The following ZNF418 variants were observed in gnomAD, a reference collection of about 807,000 sequenced individuals.
The protein encoded by ZNF418 is zinc finger protein 418.
ZNF418 carries 32 observed loss-of-function variants against 32.0 expected under a neutral mutation model. That is an observed-to-expected ratio of 1.00 (90% CI 0.75 to 1.34). The LOEUF is 1.34. ZNF418 is among the 40% of genes most tolerant of loss of function. The pLI is 0.00. For missense variants in ZNF418, 804 were observed against 812.5 expected (o/e 0.99, Z 0.13); for synonymous variants, 276 against 270.7 (o/e 1.02, Z -0.19).
At position 57,926,688 on chromosome 19, in the gene ZNF418, C is replaced by G; in HGVS notation, c.1493G>C (p.Arg498Pro). The change falls in exon 4 of 6, where the codon CGT (arginine) becomes CCT (proline). Residue 498 changes from arginine (R) to proline (P), a missense_variant. Arg to Pro is a moderately radical substitution (Grantham distance 103). Transcript: ENST00000396147. ...TCCAGTGTGAACTCTCTGATGAACA[C>G]GAAACCCAGAGCTGTCTTGAAATGA... ...GKSFQDSSGF[R>P]VHQRVHTGEK... 6.2e-7 allele frequency: 1 copy of G among 1,613,602 alleles called. No individual in the cohort carries two copies.
chr19:57,927,810 T>A lies in ZNF418; in HGVS notation c.371A>T (p.Asn124Ile). The change falls in exon 4 of 6, where the codon AAC becomes ATC. Residue 124 changes from asparagine (N) to isoleucine (I), a missense_variant. By Grantham distance (149) the Asn-to-Ile change is moderately radical. This residue lies in a region of ZNF418 where 307 missense variants were observed against 304.9 expected (regional missense o/e 1.01). Transcript: ENST00000396147. ...AWGNKLYDSSNRPHQNQYLGE... is the reference protein window; with the variant it reads ...AWGNKLYDSSIRPHQNQYLGE... ...AAGGTACTGATTCTGGTGCGGACGGTTTGAACTATCATACAATTTATTCCC... is the reference window on the plus strand; with the variant it reads ...AAGGTACTGATTCTGGTGCGGACGGATTGAACTATCATACAATTTATTCCC... 1 of 1,614,200 alleles carries A rather than the reference T, an allele frequency of 6.2e-7. No individual in the cohort carries two copies. The highest frequency in any genetic ancestry group is 8.5e-7 in the Non-Finnish European group (1 of 1,180,038).
In ZNF418 at chr19:57,926,719, C is replaced by T. The variant is rs374204768; in HGVS notation, c.1462G>A (p.Gly488Arg). ...CCAGAGCTGTCTTGAAATGATTTCC[C>T]ACATTCATTACATTCATATGGCCTT... ...GERPYECNEC[G>R]KSFQDSSGFR... The change falls in exon 4 of 6, where the codon GGG (glycine) becomes AGG (arginine). Residue 488 changes from glycine to arginine, a missense_variant. By Grantham distance (125) the Gly-to-Arg change is moderately radical (BLOSUM62 -2). This residue lies in a region of ZNF418 where 475 missense variants were observed against 458.6 expected (regional missense o/e 1.04). Coordinates refer to ENST00000396147, the MANE Select transcript of ZNF418 (RefSeq NM_133460.3). 1.2e-6 allele frequency: 2 copies of T among 1,614,058 alleles called. No homozygotes were observed. Among genetic ancestry groups the T allele is most frequent in the African/African-American group, 2.7e-5 (2 of 74,898 alleles).
intron 4 of ZNF418, among the ~76,000 whole-genome samples, chr19:57,923,616 C>G (rs1026565190): frequency 2.0e-5 from 3 of 150,726 alleles, no homozygotes; most frequent in Admixed American, 6.7e-5. Flanking sequence ...GCTCTGTCAC[C>G]CAGGCTGGAG....
rs1158563874 is a variant in ZNF418, at chr19:57,930,464, C to A, written c.97G>T (p.Val33Leu). 4.3e-6 allele frequency: 7 copies of A among 1,614,140 alleles called. No homozygotes were observed. Among genetic ancestry groups the A allele is most frequent in the Non-Finnish European group, 5.9e-6 (7 of 1,180,014 alleles). The change falls in exon 3 of 6, where the codon GTG (valine) becomes TTG (leucine). Residue 33 changes from valine to leucine, a missense_variant. Val to Leu is a conservative substitution (Grantham distance 32). Coordinates refer to ENST00000396147, the MANE Select transcript of ZNF418 (RefSeq NM_133460.3). ...SEVQRCLYHD[V>L]MLENWVLISS... ...ATAAGTACCCAGTTCTCCAGCATCACGTCATGGTAAAGGCATCTCTGAACC... is the reference window on the plus strand; with the variant it reads ...ATAAGTACCCAGTTCTCCAGCATCAAGTCATGGTAAAGGCATCTCTGAACC...
chr19:57,922,895 G>A (rs562194270), intron 5 of ZNF418, among the ~76,000 whole-genome samples: 1 of 151,732 alleles, frequency 6.6e-6, no homozygotes, highest in East Asian at 1.9e-4. Context: ...AGCAACTTGG[G>A]AGGCTGAGGT....
At position 57,925,285 on chromosome 19, in the gene ZNF418, C is replaced by T. The variant is rs570436317; in HGVS notation, c.*527+338G>A. 2.6e-5 allele frequency among the ~76,000 whole-genome samples: 4 copies of T among 152,060 alleles called. No individual in the cohort carries two copies. In the South Asian group the frequency reaches 8.3e-4, roughly 32 times the overall value. ...ACCATCCTGGCTAACACGGAGAAAC[C>T]CCATTTCTACTAAAAATACAAAAAA... On this transcript the variant is annotated intron_variant, in intron 4 of 5. Coordinates refer to ENST00000396147, the MANE Select transcript of ZNF418 (RefSeq NM_133460.3).
chr19:57,927,109 TGA>T lies in ZNF418; in HGVS notation c.1070_1071del (p.Leu357HisfsTer9). ...CTAGTGTGACCTCGTTGATGTTGAA[TGA>T]GATTGCCCTTCTGAGTAAAACATTT... is the stretch of plus-strand genomic sequence containing the variant. ...CGKCFTQKGN[L>X]IQHQRGHTSE... On this transcript the variant is annotated frameshift_variant, in exon 4 of 6. Coordinates refer to ENST00000396147, the MANE Select transcript of ZNF418 (RefSeq NM_133460.3). LOFTEE classifies it low-confidence loss of function (END_TRUNC). 6.2e-7 allele frequency: 1 copy of T among 1,614,034 alleles called. No individual in the cohort carries two copies. The highest frequency in any genetic ancestry group is 8.5e-7 in the Non-Finnish European group (1 of 1,179,892).
In ZNF418 at chr19:57,927,010, C is replaced by T; in HGVS notation, c.1171G>A (p.Val391Ile). 1 of 1,614,142 alleles carries T rather than the reference C, an allele frequency of 6.2e-7. No individual in the cohort carries two copies. The highest frequency in any genetic ancestry group is 8.5e-7 in the Non-Finnish European group (1 of 1,180,040). The part of the protein sequence containing the change: ...QKGTLTEHHR[V>I]HTRERPYECG... ...TCATAAGGTCGTTCTCTAGTGTGAA[C>T]TCGATGATGTTCAGTTAGGGTGCCC... is the stretch of plus-strand genomic sequence containing the variant. The change falls in exon 4 of 6, where the codon GTT becomes ATT. Residue 391 changes from valine (V) to isoleucine (I), a missense_variant. Val to Ile is a conservative substitution (Grantham distance 29). Coordinates refer to ENST00000396147, the MANE Select transcript of ZNF418 (RefSeq NM_133460.3).
chr19:57,923,511 CATAT>C (rs558692873), intron 4 of ZNF418, among the ~76,000 whole-genome samples: 9 of 139,174 alleles, frequency 6.5e-5, no homozygotes, highest in Non-Finnish European at 3.1e-5. Flanking sequence ...TATACACACA[CATAT>C]ATACATATAT....
intron 2 of ZNF418, among the ~76,000 whole-genome samples, chr19:57,931,217 C>T (rs892158407): frequency 1.3e-5 from 2 of 151,808 alleles, no homozygotes; most frequent in African/African-American, 4.8e-5. Flanking sequence ...TCTTTTTTTT[C>T]TGAGATGGAG....
At chr19:57,923,553 CACACACACACACAT>C (rs2072090423) in intron 4 of ZNF418, among the ~76,000 whole-genome samples, 1 of 137,448 alleles carries the variant, frequency 7.3e-6, no homozygotes, top group Non-Finnish European at 1.7e-5. Flanking sequence ...CACACACACA[CACACACACACACAT>C]ATATACACAT....
intron 3 of ZNF418, among the ~76,000 whole-genome samples, chr19:57,929,258 A>G (rs2072382258): frequency 6.6e-6 from 1 of 152,230 alleles, no homozygotes. Context: ...TACTAGTCAA[A>G]TAGAATAGGT....
At position 57,926,394 on chromosome 19, in the gene ZNF418, C is replaced by A; in HGVS notation, c.1787G>T (p.Cys596Phe). The change falls in exon 4 of 6, where the codon TGT (cysteine) becomes TTT (phenylalanine). Residue 596 changes from cysteine (C) to phenylalanine (F), a missense_variant. This residue lies in a region of ZNF418 where 475 missense variants were observed against 458.6 expected (regional missense o/e 1.04). Coordinates refer to ENST00000396147, the MANE Select transcript of ZNF418 (RefSeq NM_133460.3). ...TGERPYECRECGKTFTRRSAH... is the reference protein window; with the variant it reads ...TGERPYECREFGKTFTRRSAH... ...AGACCTTCGAGTAAATGTTTTTCCA[C>A]ATTCCCTGCATTCATAAGGCCTTTC... 6.2e-7 allele frequency: 1 copy of A among 1,613,136 alleles called. No individual in the cohort carries two copies. The highest frequency in any genetic ancestry group is 8.5e-7 in the Non-Finnish European group (1 of 1,179,244).
chr19:57,935,169 G>A lies in ZNF418; in HGVS notation c.-89C>T. ...AGGGAAGGCACAATTACCTGAGCCG[G>A]GAGCCTCAGCGCGGCCGCCGCCATC... is the stretch of plus-strand genomic sequence containing the variant. On this transcript the variant is annotated 5_prime_UTR_variant, in exon 1 of 6. Coordinates refer to ENST00000396147, the MANE Select transcript of ZNF418 (RefSeq NM_133460.3). 7.6e-7 allele frequency: 1 copy of A among 1,311,774 alleles called. No individual in the cohort carries two copies. The highest frequency in any genetic ancestry group is 9.9e-7 in the Non-Finnish European group (1 of 1,011,578). 81.3% of individuals were successfully genotyped at this position (1,311,774 alleles called of 1,614,324 possible).
In ZNF418 at chr19:57,926,687, A is replaced by G; in HGVS notation, c.1494T>C (p.Arg498=). The G allele has an allele frequency of 6.2e-7, 1 of 1,614,106 alleles. No homozygotes were observed. The highest frequency in any genetic ancestry group is 8.5e-7 in the Non-Finnish European group (1 of 1,180,032). The change falls in exon 4 of 6, where the codon CGT becomes CGC. Residue 498 remains arginine, a synonymous_variant. Transcript: ENST00000396147. ...CTCCAGTGTGAACTCTCTGATGAAC[A>G]CGAAACCCAGAGCTGTCTTGAAATG... ...GKSFQDSSGF[R]VHQRVHTGEK... is the part of the protein sequence containing the mutation.
In ZNF418 at chr19:57,928,055, CAAG is replaced by C. The variant is rs752737990; in HGVS notation, c.134-11_134-9del. On this transcript the variant is annotated splice_polypyrimidine_tract_variant and intron_variant, in intron 3 of 5. Coordinates refer to ENST00000396147, the MANE Select transcript of ZNF418 (RefSeq NM_133460.3). ...CTGATCCACACCAACAACCTGAAAG[CAAG>C]AAAATGCTGATGAATTCAAGTTAAC... is the stretch of plus-strand genomic sequence containing the variant. 6.6e-7 allele frequency: 1 copy of C among 1,519,038 alleles called. No individual in the cohort carries two copies. The highest frequency in any genetic ancestry group is 8.8e-7 in the Non-Finnish European group (1 of 1,132,148). The allele number at this position is 1,519,038 out of a possible 1,614,324, so 94.1% of individuals were successfully genotyped here. A position where few individuals can be genotyped will look rare whatever the true frequency, so the allele number is the denominator to read the frequency against.
chr19:57,932,539 T>C lies in ZNF418; in HGVS notation c.6+1278A>G, dbSNP rs1028821418. ...AACCAGGTGGGGCTTTAGATATCCATGGCCCTATTCCACTTCTGTGTTGCA... is the reference window on the plus strand; with the variant it reads ...AACCAGGTGGGGCTTTAGATATCCACGGCCCTATTCCACTTCTGTGTTGCA... On this transcript the variant is annotated intron_variant, in intron 2 of 5. Coordinates refer to ENST00000396147, the MANE Select transcript of ZNF418 (RefSeq NM_133460.3). 4.6e-6 allele frequency: 7 copies of C among 1,535,250 alleles called. No individual in the cohort carries two copies. In the Admixed American group the frequency reaches 1.2e-4, roughly 26 times the overall value.
Position 57,922,050 on chromosome 19 carries a change from C to T in ZNF418, c.*1205G>A, listed in dbSNP as rs925500735. ...AAAGGGCCTCATTCCAAGGAACAGGCCAGGGGTTCAGAAACCTCCAGGTTG... is the reference window on the plus strand; with the variant it reads ...AAAGGGCCTCATTCCAAGGAACAGGTCAGGGGTTCAGAAACCTCCAGGTTG... On this transcript the variant is annotated 3_prime_UTR_variant, in exon 6 of 6. Coordinates refer to ENST00000396147, the MANE Select transcript of ZNF418 (RefSeq NM_133460.3). 6.6e-6 allele frequency: 1 copy of T among 152,378 alleles called. No homozygotes were observed. Among genetic ancestry groups the T allele is most frequent in the African/African-American group, 2.4e-5 (1 of 41,450 alleles). The allele number at this position is 152,378 out of a possible 1,614,324, so 9.4% of individuals were successfully genotyped here. A position where few individuals can be genotyped will look rare whatever the true frequency, so the allele number is the denominator to read the frequency against.
rs867058860 is a variant in ZNF418, at chr19:57,926,517, C to T, written c.1664G>A (p.Arg555Gln). The change falls in exon 4 of 6, where the codon CGA (arginine) becomes CAA (glutamine). Residue 555 changes from arginine to glutamine, a missense_variant. Arg to Gln is a conservative substitution (Grantham distance 43). Around this residue, in one of 3 missense-constraint regions of ZNF418, gnomAD observed 475 missense variants for 458.6 expected, o/e 1.04. Coordinates refer to ENST00000396147, the MANE Select transcript of ZNF418 (RefSeq NM_133460.3). ...TTCTGCAGTGTGAGTTTTCTGATGT[C>T]GAAGGAGGGAAGAGCTCTGATGAAA... ...KSFHQSSSLLRHQKTHTAERP... is the reference protein window; with the variant it reads ...KSFHQSSSLLQHQKTHTAERP... 9 of 1,613,626 alleles carry T rather than the reference C, an allele frequency of 5.6e-6. No individual in the cohort carries two copies. The Admixed American group carries it at 8.3e-5, about 15-fold the overall frequency.
Sources: gnomAD v4.1 joint callset for allele counts (sites outside exome capture counted in the v4.1 genomes callset) on GRCh38, gnomAD v4.1.1 for gene constraint, gnomAD v4.1.1 regional missense constraint, MANE v1.5 for transcripts, NCBI Gene and HGNC (gene_info 2026-07-23, HGNC 2026-07-21) for gene names.